The following JMJD7 variants were observed in gnomAD, a reference collection of about 807,000 sequenced individuals.
JMJD7 encodes bifunctional peptidase and (3S)-lysyl hydroxylase JMJD7.
In JMJD7, 41 loss-of-function variants were observed where a neutral mutation model predicts 41.1. That is an observed-to-expected ratio of 1.00 (90% CI 0.78 to 1.30). The LOEUF (loss-of-function observed/expected upper bound fraction) is 1.30. Among genes scored for constraint, JMJD7 ranks in the 50% most tolerant of loss-of-function variants. The probability of loss-of-function intolerance (pLI) is 0.00; values close to 1 mark genes in which losing one functional copy is unlikely to be tolerated. For missense variants in JMJD7, 480 were observed against 420.7 expected (o/e 1.14, Z -1.23); for synonymous variants, 202 against 177.2 (o/e 1.14, Z -1.11).
Position 41,835,228 on chromosome 15 carries a change from G to C in JMJD7, c.472+5G>C. ...CCTGGGCCTCCGAAGCCCTGGGTGA[G>C]TGGAGGTGGGGTGGTCGTGGCCCTG... On this transcript the variant is annotated splice_donor_5th_base_variant and intron_variant, in intron 3 of 7. Coordinates refer to ENST00000397299, the MANE Select transcript of JMJD7 (RefSeq NM_001114632.2). 1 of 1,596,658 alleles carries C rather than the reference G, an allele frequency of 6.3e-7. No homozygotes were observed. Among genetic ancestry groups the C allele is most frequent in the South Asian group, 1.1e-5 (1 of 90,830 alleles).
In JMJD7 at chr15:41,837,247, G is replaced by GCAT; in HGVS notation, c.*92_*94dup. ...CAATTCTCGAGAGAGCCTGGAGTGT[G>GCAT]CATGCTGGCTGCTGGCCCCGGGTCC... On this transcript the variant is annotated 3_prime_UTR_variant, in exon 8 of 8. Coordinates refer to ENST00000397299, the MANE Select transcript of JMJD7 (RefSeq NM_001114632.2). 1.2e-6 allele frequency: 1 copy of GCAT among 856,430 alleles called. No homozygotes were observed. The highest frequency in any genetic ancestry group is 1.9e-6 in the Non-Finnish European group (1 of 536,138). The allele number at this position is 856,430 out of a possible 1,614,324, so 53.1% of individuals were successfully genotyped here.
chr15:41,832,353 TA>T, intron 1 of JMJD7: 1 of 185,960 alleles, frequency 5.4e-6, no homozygotes, highest in East Asian at 1.7e-4. Flanking sequence ...TTCCAGCTGG[TA>T]AAGCAACACC....
In JMJD7 at chr15:41,835,152, A is replaced by C; in HGVS notation, c.401A>C (p.Asn134Thr). The change falls in exon 3 of 8, where the codon AAC becomes ACC. Residue 134 changes from asparagine (N) to threonine (T), a missense_variant. By Grantham distance (65) the Asn-to-Thr change is moderately conservative. Transcript: ENST00000397299. Reference sequence around the variant, plus strand: ...CTCTATGTGCAGAAGCAGTGCTCCAACCTGCCCAGCGAGCTGCCCCAGCTG... The same window carrying C: ...CTCTATGTGCAGAAGCAGTGCTCCACCCTGCCCAGCGAGCTGCCCCAGCTG... The part of the protein sequence containing the change: ...GVLYVQKQCS[N>T]LPSELPQLLP... 6.2e-7 allele frequency: 1 copy of C among 1,606,904 alleles called. No individual in the cohort carries two copies. Among genetic ancestry groups the C allele is most frequent in the South Asian group, 1.1e-5 (1 of 91,086 alleles).
At chr15:41,829,102 A>T (rs1005621036) in intron 1 of JMJD7, 9 of 152,272 alleles carry the variant, frequency 5.9e-5, no homozygotes, top group African/African-American at 2.2e-4. Context: ...TGTCTTTTAC[A>T]GTCTATGTCC....
Position 41,836,542 on chromosome 15 carries a change from C to A in JMJD7, c.693C>A (p.Ala231=). The change falls in exon 6 of 8, where the codon GCC becomes GCA. Residue 231 remains alanine (A), a synonymous_variant. Coordinates refer to ENST00000397299, the MANE Select transcript of JMJD7 (RefSeq NM_001114632.2). The part of the protein sequence containing the change: ...EGTFKVVDEE[A]MEKVPWIPLD... ...CCTTTAAGGTGGTGGATGAAGAGGC[C>A]ATGGAGAAGGTGTCTGTCCTGTTCT... 1 of 1,584,942 alleles carries A rather than the reference C, an allele frequency of 6.3e-7. No individual in the cohort carries two copies. Among genetic ancestry groups the A allele is most frequent in the Non-Finnish European group, 8.6e-7 (1 of 1,165,084 alleles).
chr15:41,834,719 C>T lies in JMJD7; in HGVS notation c.65-21C>T, dbSNP rs547468302. Reference sequence around the variant, plus strand: ...CTGCAGACATCAGCCCTTCCATCCCCTGTCTTCTTCTTTCTCTCAGAGCTC... The same window carrying T: ...CTGCAGACATCAGCCCTTCCATCCCTTGTCTTCTTCTTTCTCTCAGAGCTC... On this transcript the variant is annotated intron_variant, in intron 1 of 7. Coordinates refer to ENST00000397299, the MANE Select transcript of JMJD7 (RefSeq NM_001114632.2). The T allele has an allele frequency of 8.7e-6, 14 of 1,611,672 alleles. No homozygotes were observed. In the South Asian group the frequency reaches 8.8e-5, roughly 10 times the overall value.
rs776618780 is a variant in JMJD7 at position 41,837,181 on chromosome 15, G to C, written c.*25G>C. On this transcript the variant is annotated 3_prime_UTR_variant, in exon 8 of 8. Coordinates refer to ENST00000397299, the MANE Select transcript of JMJD7 (RefSeq NM_001114632.2). ...ATGGAGCACTGGTGAACACCACCAA[G>C]CACGCCTCGGGGGACGGAGCCAGCC... 9.1e-6 allele frequency: 14 copies of C among 1,538,856 alleles called. No individual in the cohort carries two copies. The highest frequency in any genetic ancestry group is 1.3e-5 in the Non-Finnish European group (14 of 1,119,254).
At position 41,834,883 on chromosome 15, in the gene JMJD7, C is replaced by T. The variant is rs752380817; in HGVS notation, c.208C>T (p.Pro70Ser). Residue 70 changes from proline to serine, a missense_variant, in exon 2 of 8, where the codon CCC becomes TCC. Physicochemically the swap from Pro to Ser is moderately conservative, Grantham distance 74 (BLOSUM62 -1). Transcript: ENST00000397299. ...HWPALQKWSL[P>S]YFRATVGSTE... is the part of the protein sequence containing the mutation. ...GCCGGCCCTCCAGAAGTGGTCCCTC[C>T]CCTATTTCAGGTGGGAGCTGCCCTG... The T allele has an allele frequency of 1.9e-6, 3 of 1,613,972 alleles. No individual in the cohort carries two copies. Among genetic ancestry groups the T allele is most frequent in the South Asian group, 1.1e-5 (1 of 91,070 alleles).
intron 1 of JMJD7, 164 bp downstream of exon 1, chr15:41,828,352 T>G: frequency 1.2e-6 from 1 of 809,252 alleles, no homozygotes; most frequent in Non-Finnish European, 1.7e-6. Context: ...GTTCGCGCGC[T>G]CCCGCGGCTT....
At chr15:41,831,643 A>G (rs1331860066) in intron 1 of JMJD7, among the ~76,000 whole-genome samples, 2 of 152,164 alleles carry the variant, frequency 1.3e-5, no homozygotes, top group African/African-American at 4.8e-5. Flanking sequence ...CAACAGGACT[A>G]CCTGCCTGCA....
At chr15:41,829,805 C>A (rs952905248) in intron 1 of JMJD7, among the ~76,000 whole-genome samples, 6 of 152,174 alleles carry the variant, frequency 3.9e-5, no homozygotes, top group Admixed American at 1.3e-4. Context: ...GCAGTACTCA[C>A]GCCTGTAATC....
Position 41,836,261 on chromosome 15 carries a change from C to A in JMJD7, c.625+18C>A. The A allele has an allele frequency of 1.9e-6, 3 of 1,611,546 alleles. No homozygotes were observed. Among genetic ancestry groups the A allele is most frequent in the Non-Finnish European group, 2.5e-6 (3 of 1,178,860 alleles). ...CCCCTATGGTAGGGGATGTGGCCTG[C>A]AGGGAGGGGCTGGGGAACAGCTGGC... On this transcript the variant is annotated intron_variant, in intron 5 of 7. Coordinates refer to ENST00000397299, the MANE Select transcript of JMJD7 (RefSeq NM_001114632.2).
intron 3 of JMJD7, 31 bp from the exon 4 acceptor site, chr15:41,835,557 C>T: frequency 1.9e-6 from 3 of 1,607,558 alleles, no homozygotes; most frequent in Non-Finnish European, 2.5e-6. Context: ...GCCTGGCCTT[C>T]CTAACTTGCT....
chr15:41,834,036 T>G (rs2065272306), intron 1 of JMJD7, among the ~76,000 whole-genome samples: 1 of 152,126 alleles, frequency 6.6e-6, no homozygotes, highest in African/African-American at 2.4e-5. Flanking sequence ...ACAGGGCCAC[T>G]GTAGACCCCT....
In JMJD7 at chr15:41,836,252, T is replaced by G; in HGVS notation, c.625+9T>G. ...GCCCTTCATCCCCTATGGTAGGGGATGTGGCCTGCAGGGAGGGGCTGGGGA... is the reference window on the plus strand; with the variant it reads ...GCCCTTCATCCCCTATGGTAGGGGAGGTGGCCTGCAGGGAGGGGCTGGGGA... On this transcript the variant is annotated intron_variant, in intron 5 of 7. Transcript: ENST00000397299. 1 of 1,612,190 alleles carries G rather than the reference T, an allele frequency of 6.2e-7. No homozygotes were observed. Among genetic ancestry groups the G allele is most frequent in the Non-Finnish European group, 8.5e-7 (1 of 1,179,236 alleles).
intron 1 of JMJD7, among the ~76,000 whole-genome samples, chr15:41,831,525 A>G (rs2065229152): frequency 6.6e-6 from 1 of 152,218 alleles, no homozygotes; most frequent in Non-Finnish European, 1.5e-5. Context: ...GGCTCGACCT[A>G]GAGCATGAAT....
At position 41,837,481 on chromosome 15, in the gene JMJD7, A is replaced by C; in HGVS notation, c.*325A>C. On this transcript the variant is annotated 3_prime_UTR_variant, in exon 8 of 8. Coordinates refer to ENST00000397299, the MANE Select transcript of JMJD7 (RefSeq NM_001114632.2). ...GTGTCCTGTCAGTAAAGAGATAATA[A>C]TGGCTGTACCTCGCGGGGCTGTTGT... The C allele has an allele frequency of 8.7e-5, 32 of 368,430 alleles. No individual in the cohort carries two copies. The highest frequency in any genetic ancestry group is 2.0e-4 in the East Asian group (4 of 19,604). 22.8% of individuals were successfully genotyped at this position (368,430 alleles called of 1,614,324 possible).
intron 7 of JMJD7, 42 bp from the exon 8 acceptor site, chr15:41,837,026 A>C (rs758826893): frequency 6.2e-7 from 1 of 1,609,534 alleles, no homozygotes; most frequent in South Asian, 1.1e-5. Context: ...GCTCTAGGTC[A>C]GAAGAGGGAT....
In JMJD7 at chr15:41,834,975, C is replaced by T. The variant is rs1055909666; in HGVS notation, c.224C>T (p.Thr75Ile). 5 of 1,614,020 alleles carry T rather than the reference C, an allele frequency of 3.1e-6. No individual in the cohort carries two copies. The African/African-American group carries it at 5.3e-5, about 17-fold the overall frequency. Reference protein sequence around the residue: ...QKWSLPYFRATVGSTEVSVAV... With the variant: ...QKWSLPYFRAIVGSTEVSVAV... ...CTGAGTGTCCATTCCTCTAGAGCCACAGTGGGCTCCACAGAGGTGAGTGTG... is the reference window on the plus strand; with the variant it reads ...CTGAGTGTCCATTCCTCTAGAGCCATAGTGGGCTCCACAGAGGTGAGTGTG... The change falls in exon 3 of 8, where the codon ACA becomes ATA. Residue 75 changes from threonine to isoleucine, a missense_variant. By Grantham distance (89) the Thr-to-Ile change is moderately conservative. Transcript: ENST00000397299.
Sources: gnomAD v4.1 joint callset for allele counts (sites outside exome capture counted in the v4.1 genomes callset) on GRCh38, gnomAD v4.1.1 for gene constraint, MANE v1.5 for transcripts, NCBI Gene and HGNC (gene_info 2026-07-23, HGNC 2026-07-21) for gene names.